CACNA2D1: variants seen among roughly 807,000 people sequenced by gnomAD.
The protein encoded by CACNA2D1 is calcium voltage-gated channel auxiliary subunit alpha2delta 1, also known as voltage-dependent calcium channel subunit alpha-2/delta-1.
In CACNA2D1, 53 loss-of-function variants were observed where a neutral mutation model predicts 171.5. The ratio of observed to expected loss-of-function variants is 0.31; its 90% CI spans 0.25 to 0.39. The LOEUF (loss-of-function observed/expected upper bound fraction) is 0.39. CACNA2D1 is among the 10% of genes least tolerant of loss of function. The pLI is 1.00. For missense variants in CACNA2D1, 903 were observed against 1,299.8 expected (o/e 0.69, Z 4.69); for synonymous variants, 442 against 443.1 (o/e 1.00, Z 0.03).
intron 1 of CACNA2D1, among the ~76,000 whole-genome samples, chr7:82,358,873 A>AT (rs1000927846): frequency 2.0e-4 from 30 of 151,744 alleles, no homozygotes; most frequent in Admixed American, 4.6e-4. Flanking sequence ...TTATCCAAGT[A>AT]TTTTTTTTCA....
intron 30 of CACNA2D1, among the ~76,000 whole-genome samples, 163 bp from the exon 31 acceptor site, chr7:81,967,370 G>C (rs753692533): frequency 2.0e-5 from 3 of 151,382 alleles, no homozygotes; most frequent in Non-Finnish European, 4.4e-5. Context: ...ATTAGACAAT[G>C]TCAATCAATA....
At chr7:82,224,519 G>T (rs375845874) in intron 3 of CACNA2D1, among the ~76,000 whole-genome samples, 12 of 152,108 alleles carry the variant, frequency 7.9e-5, no homozygotes, top group Admixed American at 5.2e-4. Context: ...GGAGGCGGGG[G>T]TTGCAGTGAG....
At chr7:82,355,888 T>C (rs1188055313) in intron 1 of CACNA2D1, among the ~76,000 whole-genome samples, 3 of 152,062 alleles carry the variant, frequency 2.0e-5, no homozygotes, top group Non-Finnish European at 4.4e-5. Context: ...TACCATTTGA[T>C]CATTTCATCC....
intron 26 of CACNA2D1, among the ~76,000 whole-genome samples, chr7:81,971,401 TGGA>T (rs970577990): frequency 6.6e-6 from 1 of 151,484 alleles, no homozygotes; most frequent in Non-Finnish European, 1.5e-5. Context: ...GAAAATGGGG[TGGA>T]GAAGAGATTT....
At position 81,981,442 on chromosome 7, in the gene CACNA2D1, CAG is replaced by C. The variant is rs1241727709; in HGVS notation, c.1955+1123_1955+1124del. 6.6e-5 allele frequency among the ~76,000 whole-genome samples: 10 copies of C among 152,240 alleles called. No homozygotes were observed. In the South Asian group the frequency reaches 2.1e-3, roughly 32 times the overall value. The stretch of plus-strand genomic sequence containing the variant: ...AAAAGCCAAGAATAGGCTTTGTTAA[CAG>C]AGATTTTTCAAAAAACCCATATTCC... On this transcript the variant is annotated intron_variant, in intron 24 of 38. Transcript: ENST00000356860.
At chr7:81,967,508 T>C (rs1794835072) in intron 30 of CACNA2D1, 88 bp downstream of exon 30, 1 of 726,288 alleles carries the variant, frequency 1.4e-6, no homozygotes, top group Non-Finnish European at 2.4e-6. Context: ...TGAGAATGTA[T>C]TTGCCACTGT....
At chr7:82,040,381 A>G (rs1321576704) in intron 10 of CACNA2D1, among the ~76,000 whole-genome samples, 1 of 149,488 alleles carries the variant, frequency 6.7e-6, no homozygotes, top group Non-Finnish European at 1.5e-5. Context: ...GAGATATGCA[A>G]GTGTACATGT....
Position 82,443,763 on chromosome 7 carries a change from T to C in CACNA2D1, c.-304A>G, listed in dbSNP as rs1427596433. On this transcript the variant is annotated 5_prime_UTR_variant, in exon 1 of 39. Transcript: ENST00000356860. ...CAGACCTCGGCGAGCCCGCCGGCGCTCGCGCGCTCTCGCTCTCCCTCTCGG... is the reference window on the plus strand; with the variant it reads ...CAGACCTCGGCGAGCCCGCCGGCGCCCGCGCGCTCTCGCTCTCCCTCTCGG... 23 of 1,102,366 alleles carry C rather than the reference T, an allele frequency of 2.1e-5. No individual in the cohort carries two copies. The South Asian group carries it at 6.4e-4, about 31-fold the overall frequency. 68.3% of individuals were successfully genotyped at this position (1,102,366 alleles called of 1,614,324 possible).
chr7:82,040,936 T>C (rs962330020), intron 10 of CACNA2D1, among the ~76,000 whole-genome samples: 27 of 151,798 alleles, frequency 1.8e-4, no homozygotes, highest in Non-Finnish European at 5.9e-5. Context: ...GATCACGCCA[T>C]TGCACTCCAG....
At chr7:82,042,662 A>T (rs1804101946) in intron 10 of CACNA2D1, among the ~76,000 whole-genome samples, 2 of 152,100 alleles carry the variant, frequency 1.3e-5, no homozygotes, top group Admixed American at 6.6e-5. Flanking sequence ...GAGGGTTTGT[A>T]TTTCTACTCC....
intron 3 of CACNA2D1, among the ~76,000 whole-genome samples, chr7:82,310,992 T>C (rs1002941322): frequency 1.3e-5 from 2 of 152,170 alleles, no homozygotes; most frequent in African/African-American, 4.8e-5. Flanking sequence ...ATTTGATTTA[T>C]TAAATTGTAT....
intron 6 of CACNA2D1, among the ~76,000 whole-genome samples, chr7:82,112,848 G>C (rs1584792578): frequency 6.6e-6 from 1 of 152,242 alleles, no homozygotes; most frequent in Admixed American, 6.5e-5. Flanking sequence ...TGTCATCTAA[G>C]ATACAGCGGC....
intron 31 of CACNA2D1, among the ~76,000 whole-genome samples, chr7:81,966,600 A>C (rs189486962): frequency 1.3e-4 from 20 of 151,370 alleles, no homozygotes; most frequent in African/African-American, 4.6e-4. Flanking sequence ...ATCTAGTATC[A>C]TTCTTAGAGC....
intron 1 of CACNA2D1, among the ~76,000 whole-genome samples, chr7:82,388,749 T>G (rs1358212195): frequency 6.6e-6 from 1 of 152,180 alleles, no homozygotes; most frequent in Non-Finnish European, 1.5e-5. Context: ...GTTTAAGATC[T>G]CTCCTTAAGA....
At chr7:82,425,346 C>T (rs1829076801) in intron 1 of CACNA2D1, among the ~76,000 whole-genome samples, 1 of 152,116 alleles carries the variant, frequency 6.6e-6, no homozygotes, top group Non-Finnish European at 1.5e-5. Flanking sequence ...GCAGTCCAGG[C>T]AACACCTTAC....
intron 3 of CACNA2D1, among the ~76,000 whole-genome samples, chr7:82,235,199 A>G (rs1214573643): frequency 1.3e-5 from 2 of 152,186 alleles, no homozygotes; most frequent in African/African-American, 4.8e-5. Context: ...ATACAAAGCA[A>G]TAAACGTTTT....
chr7:82,280,565 T>C (rs1221214414), intron 3 of CACNA2D1, among the ~76,000 whole-genome samples: 1 of 152,216 alleles, frequency 6.6e-6, no homozygotes, highest in South Asian at 2.1e-4. Context: ...GAAATTTACA[T>C]TTTTTAAATT....
At chr7:82,351,661 A>C (rs919321761) in intron 1 of CACNA2D1, among the ~76,000 whole-genome samples, 1 of 152,210 alleles carries the variant, frequency 6.6e-6, no homozygotes. Context: ...TTATAATAAC[A>C]TTTTAACTAG....
intron 4 of CACNA2D1, among the ~76,000 whole-genome samples, chr7:82,146,311 C>CGTGTGT (rs113820868): frequency 7.4e-6 from 1 of 134,670 alleles, no homozygotes; most frequent in East Asian, 2.3e-4. Context: ...TATATATATA[C>CGTGTGT]GTGTGTGTGT....
Sources: gnomAD v4.1 joint callset for allele counts (sites outside exome capture counted in the v4.1 genomes callset) on GRCh38, gnomAD v4.1.1 for gene constraint, MANE v1.5 for transcripts, NCBI Gene and HGNC (gene_info 2026-07-23, HGNC 2026-07-21) for gene names.